NOS1AP: variants seen among roughly 807,000 people sequenced by gnomAD.
NOS1AP encodes the protein nitric oxide synthase 1 adaptor protein, also known as carboxyl-terminal PDZ ligand of neuronal nitric oxide synthase protein.
A neutral mutation model predicts 56.2 loss-of-function variants in NOS1AP; 21 were observed. The observed-to-expected ratio is 0.37, with a 90% CI of 0.26 to 0.54. The LOEUF (loss-of-function observed/expected upper bound fraction) is 0.54. Among genes scored for constraint, NOS1AP ranks in the 20% least tolerant of loss-of-function variants. NOS1AP has a pLI of 0.84. For synonymous variants in NOS1AP, 270 were observed against 274.6 expected (o/e 0.98, Z 0.17); for missense variants, 522 against 657.8 (o/e 0.79, Z 2.26).
At chr1:162,222,323 G>T (rs1055135527) in intron 2 of NOS1AP, among the ~76,000 whole-genome samples, 1 of 152,162 alleles carries the variant, frequency 6.6e-6, no homozygotes, top group African/African-American at 2.4e-5. Context: ...TATCTAACAC[G>T]GCTAGTATCA....
intron 4 of NOS1AP, among the ~76,000 whole-genome samples, chr1:162,306,738 A>C (rs1364542430): frequency 6.6e-6 from 1 of 152,202 alleles, no homozygotes; most frequent in East Asian, 1.9e-4. Context: ...GGAGTTCAAG[A>C]CCATCCTGGT....
At chr1:162,111,993 T>G (rs1647728323) in intron 1 of NOS1AP, among the ~76,000 whole-genome samples, 1 of 152,246 alleles carries the variant, frequency 6.6e-6, no homozygotes, top group Non-Finnish European at 1.5e-5. Flanking sequence ...ATTATGTTCC[T>G]AACTGGTTTA....
chr1:162,248,475 T>G (rs1015698926), intron 2 of NOS1AP, among the ~76,000 whole-genome samples: 1 of 152,188 alleles, frequency 6.6e-6, no homozygotes, highest in South Asian at 2.1e-4. Flanking sequence ...AAAAATCAAC[T>G]CTTTAATGGC....
chr1:162,191,915 C>G (rs1157723291), intron 2 of NOS1AP, among the ~76,000 whole-genome samples: 1 of 151,926 alleles, frequency 6.6e-6, no homozygotes, highest in Non-Finnish European at 1.5e-5. Context: ...GTGGTTGGTG[C>G]TGAGCTAGGG....
chr1:162,249,044 G>C (rs1336777783), intron 2 of NOS1AP, among the ~76,000 whole-genome samples: 1 of 152,144 alleles, frequency 6.6e-6, no homozygotes, highest in Non-Finnish European at 1.5e-5. Context: ...GACCAGCTCA[G>C]TGCAACTTTG....
intron 2 of NOS1AP, among the ~76,000 whole-genome samples, chr1:162,169,397 G>A (rs188958773): frequency 1.3e-5 from 2 of 152,204 alleles, no homozygotes; most frequent in African/African-American, 2.4e-5. Flanking sequence ...CCTGCTGGGG[G>A]TGCTAATGAG....
chr1:162,297,156 G>T (rs1003882432), intron 3 of NOS1AP, among the ~76,000 whole-genome samples: 30 of 152,266 alleles, frequency 2.0e-4, no homozygotes, highest in Middle Eastern at 3.4e-3. Flanking sequence ...CCCTCTTTGG[G>T]GCTGCTTTCC....
intron 2 of NOS1AP, among the ~76,000 whole-genome samples, chr1:162,160,076 C>G (rs1356775967): frequency 1.3e-5 from 2 of 152,176 alleles, no homozygotes; most frequent in Non-Finnish European, 2.9e-5. Context: ...CCAATACAGA[C>G]CAAACCTGGG....
chr1:162,232,376 C>G (rs1653150617), intron 2 of NOS1AP, among the ~76,000 whole-genome samples: 1 of 152,118 alleles, frequency 6.6e-6, no homozygotes, highest in Admixed American at 6.5e-5. Flanking sequence ...CTTTTTTCCT[C>G]TTGGGGATCA....
chr1:162,263,920 C>T (rs942631226), intron 2 of NOS1AP, among the ~76,000 whole-genome samples: 1 of 152,198 alleles, frequency 6.6e-6, no homozygotes, highest in African/African-American at 2.4e-5. Flanking sequence ...ATTCTTCCTC[C>T]TGTCCCACAT....
chr1:162,159,659 TG>T (rs1428460959), intron 2 of NOS1AP, among the ~76,000 whole-genome samples: 2 of 152,192 alleles, frequency 1.3e-5, no homozygotes, highest in African/African-American at 4.8e-5. Context: ...TTTGTAGCAC[TG>T]AGAGCAACTG....
At chr1:162,129,881 A>G (rs1452759924) in intron 1 of NOS1AP, among the ~76,000 whole-genome samples, 1 of 152,222 alleles carries the variant, frequency 6.6e-6, no homozygotes, top group East Asian at 1.9e-4. Flanking sequence ...TGATTTATGC[A>G]TATTAACTTT....
chr1:162,168,660 T>C (rs1480592466), intron 2 of NOS1AP, among the ~76,000 whole-genome samples: 1 of 148,672 alleles, frequency 6.7e-6, no homozygotes, highest in Admixed American at 6.8e-5. Context: ...TCTTTCCTTC[T>C]CCCCTTTTCT....
intron 2 of NOS1AP, among the ~76,000 whole-genome samples, chr1:162,267,655 C>CA (rs1297133284): frequency 6.6e-6 from 1 of 151,490 alleles, no homozygotes; most frequent in African/African-American, 2.4e-5. Flanking sequence ...CCCAGCTACT[C>CA]AGGAGGCTGA....
chr1:162,359,829 C>A (rs1056836713), intron 8 of NOS1AP, among the ~76,000 whole-genome samples: 7 of 152,134 alleles, frequency 4.6e-5, no homozygotes, highest in African/African-American at 1.7e-4. Flanking sequence ...AAACTACCAG[C>A]AGTCCCCAGA....
intron 3 of NOS1AP, among the ~76,000 whole-genome samples, chr1:162,297,380 C>T (rs1282112164): frequency 6.6e-6 from 1 of 152,218 alleles, no homozygotes; most frequent in African/African-American, 2.4e-5. Context: ...GTTTATGCCA[C>T]CGCAGCCACT....
At chr1:162,299,882 G>C (rs1392413388) in intron 3 of NOS1AP, among the ~76,000 whole-genome samples, 1 of 152,128 alleles carries the variant, frequency 6.6e-6, no homozygotes, top group East Asian at 1.9e-4. Flanking sequence ...AGTCCCGGTG[G>C]GGGCTTAACA....
intron 2 of NOS1AP, among the ~76,000 whole-genome samples, chr1:162,167,587 C>T (rs957844165): frequency 2.6e-5 from 4 of 152,222 alleles, no homozygotes; most frequent in Admixed American, 2.0e-4. Context: ...CCTGTGCAGC[C>T]CATTTCCCTG....
chr1:162,266,994 A>G (rs376823645), intron 2 of NOS1AP, among the ~76,000 whole-genome samples: 1 of 152,196 alleles, frequency 6.6e-6, no homozygotes, highest in Admixed American at 6.5e-5. Context: ...TCTTTCTTCT[A>G]TAACATTAAT....
Sources: allele counts gnomAD v4.1 joint callset (sites outside exome capture counted in the v4.1 genomes callset), GRCh38; gene constraint gnomAD v4.1.1; transcripts MANE v1.5; gene names NCBI Gene and HGNC (gene_info 2026-07-23, HGNC 2026-07-21).